The following IQSEC1 variants were observed in gnomAD, a reference collection of about 807,000 sequenced individuals.
The protein encoded by IQSEC1 is IQ motif and SEC7 domain-containing protein 1.
IQSEC1 carries 31 observed loss-of-function variants against 91.0 expected under a neutral mutation model. The observed-to-expected ratio is 0.34, with a 90% CI of 0.26 to 0.46. The LOEUF (loss-of-function observed/expected upper bound fraction) is 0.46. Among genes scored for constraint, IQSEC1 ranks in the 20% least tolerant of loss-of-function variants. The pLI, the probability that IQSEC1 is intolerant of heterozygous loss-of-function variation, is 1.00. For missense variants in IQSEC1, 1,388 were observed against 1,575.6 expected (o/e 0.88, Z 2.02); for synonymous variants, 699 against 662.6 (o/e 1.05, Z -0.84).
chr3:13,109,912 T>C (rs1373323981), intron 2 of IQSEC1, among the ~76,000 whole-genome samples: 10 of 133,852 alleles, frequency 7.5e-5, no homozygotes, highest in Non-Finnish European at 1.2e-4. Context: ...TGAGACGGAG[T>C]CTAGCTGTCG....
At position 12,922,344 on chromosome 3, in the gene IQSEC1, C is replaced by T. The variant is rs1424589163; in HGVS notation, c.1731-102G>A. 1.4e-5 allele frequency: 19 copies of T among 1,382,088 alleles called. No homozygotes were observed. The Middle Eastern group carries it at 1.8e-3, about 130-fold the overall frequency. 85.6% of individuals were successfully genotyped at this position (1,382,088 alleles called of 1,614,324 possible). A position where few individuals can be genotyped will look rare whatever the true frequency, so the allele number is the denominator to read the frequency against. The stretch of plus-strand genomic sequence containing the variant: ...GCCTGAAGCCCTGGGAATGGACCGC[C>T]TCCTGGCAGGGAGAGCCCCTGCCTG... On this transcript the variant is annotated intron_variant, in intron 4 of 13. Coordinates refer to ENST00000613206, the MANE Select transcript of IQSEC1 (RefSeq NM_001134382.3). This position sits in a 1 kb window ranked among gnomAD's most constrained non-coding sequence, Gnocchi z 5.1.
At chr3:13,098,900 C>G (rs1706010643) in intron 2 of IQSEC1, among the ~76,000 whole-genome samples, 1 of 152,202 alleles carries the variant, frequency 6.6e-6, no homozygotes, top group South Asian at 2.1e-4. Context: ...TGTGAATACA[C>G]TAACATCCAC....
rs145322088 is a variant in IQSEC1 at position 12,929,141 on chromosome 3, C to T, written c.1569-4399G>A. 7.0e-3 allele frequency among the ~76,000 whole-genome samples: 1,059 copies of T among 152,286 alleles called. 16 individuals are homozygous for T. The highest frequency in any genetic ancestry group is 0.025 in the African/African-American group (1,023 of 41,558). The stretch of plus-strand genomic sequence containing the variant: ...CGTCTCAGCTCCACTTCTGGCTGGG[C>T]GACCCAGGGTGAGTGAACTTAGCCT... On this transcript the variant is annotated intron_variant, in intron 3 of 13. Coordinates refer to ENST00000613206, the MANE Select transcript of IQSEC1 (RefSeq NM_001134382.3).
At chr3:12,988,369 T>G (rs1701837797) in intron 1 of IQSEC1, among the ~76,000 whole-genome samples, 1 of 152,070 alleles carries the variant, frequency 6.6e-6, no homozygotes, top group Non-Finnish European at 1.5e-5. Flanking sequence ...GAGCTGAGAT[T>G]GCGCCAATGC....
chr3:13,127,578 C>A (rs1381245300), intron 2 of IQSEC1, among the ~76,000 whole-genome samples: 1 of 151,286 alleles, frequency 6.6e-6, no homozygotes, highest in East Asian at 1.9e-4. Context: ...ATTTATTTTT[C>A]TTTTTTTTAA....
At position 13,267,517 on chromosome 3, in the gene IQSEC1, G is replaced by C. The variant is rs146724995; in HGVS notation, c.272+15194C>G. The stretch of plus-strand genomic sequence containing the variant: ...CCAGCCAAAGAGGACTGGATTTTTG[G>C]CATCTGATGAATGAAAATCTGGAAA... On this transcript the variant is annotated intron_variant, in intron 1 of 15. Transcript: ENST00000648114. Among the ~76,000 whole-genome samples the C allele has an allele frequency of 2.3e-4, 35 of 152,224 alleles. 1 individual carries two copies. The East Asian group carries it at 6.4e-3, about 28-fold the overall frequency.
At chr3:13,122,727 C>T (rs1576260265) in intron 2 of IQSEC1, among the ~76,000 whole-genome samples, 1 of 152,184 alleles carries the variant, frequency 6.6e-6, no homozygotes, top group East Asian at 1.9e-4. Flanking sequence ...GCCAAGGACC[C>T]TGAACCTCAG....
intron 2 of IQSEC1, among the ~76,000 whole-genome samples, chr3:13,137,318 G>C (rs529624094): frequency 6.6e-6 from 1 of 152,252 alleles, no homozygotes; most frequent in African/African-American, 2.4e-5. Context: ...AAAATAAACT[G>C]TAGAATATTG....
chr3:12,990,628 C>T (rs146413326), intron 1 of IQSEC1, among the ~76,000 whole-genome samples: 5 of 152,306 alleles, frequency 3.3e-5, no homozygotes, highest in Admixed American at 6.5e-5. Context: ...CTGGACTCCG[C>T]GCACTTGAGT....
At chr3:13,237,325 T>A (rs899323026) in intron 1 of IQSEC1, among the ~76,000 whole-genome samples, 2 of 152,138 alleles carry the variant, frequency 1.3e-5, no homozygotes, top group Non-Finnish European at 2.9e-5. Flanking sequence ...GGCCCCATCA[T>A]CCTCCGAGGC....
At chr3:13,075,332 C>T (rs1010278900), upstream of IQSEC1, among the ~76,000 whole-genome samples, 11 of 152,234 alleles carry the variant, frequency 7.2e-5, no homozygotes, top group African/African-American at 2.4e-4. Flanking sequence ...GCACCACATA[C>T]GGGGGTCTCC....
chr3:13,210,888 G>T (rs1007504603), intron 1 of IQSEC1, among the ~76,000 whole-genome samples: 3 of 152,204 alleles, frequency 2.0e-5, no homozygotes, highest in Non-Finnish European at 4.4e-5. Flanking sequence ...GGACTGAAAG[G>T]AACATGGCCA....
chr3:13,223,066 C>T (rs556536632), intron 1 of IQSEC1, among the ~76,000 whole-genome samples: 4 of 152,334 alleles, frequency 2.6e-5, no homozygotes, highest in African/African-American at 7.2e-5. Flanking sequence ...GCTCTGCCAT[C>T]GAGGTTTGGG....
At position 12,992,016 on chromosome 3, in the gene IQSEC1, A is replaced by T. The variant is rs1435055714; in HGVS notation, c.24-50151T>A. On this transcript the variant is annotated intron_variant, in intron 1 of 13. Coordinates refer to ENST00000613206, the MANE Select transcript of IQSEC1 (RefSeq NM_001134382.3). This position sits in a 1 kb window ranked among gnomAD's most constrained non-coding sequence, Gnocchi z 4.1. The stretch of plus-strand genomic sequence containing the variant: ...CTAATGTTTGCAAACCGTGCAGGAG[A>T]CAGTCCCCTGCAGAGGTGAGCACAG... Among the ~76,000 whole-genome samples, 1 of 152,060 alleles carries T rather than the reference A, an allele frequency of 6.6e-6. No individual in the cohort carries two copies. Among genetic ancestry groups the T allele is most frequent in the Non-Finnish European group, 1.5e-5 (1 of 68,008 alleles).
At chr3:12,944,454 A>G (rs1048468797) in intron 1 of IQSEC1, among the ~76,000 whole-genome samples, 1 of 152,050 alleles carries the variant, frequency 6.6e-6, no homozygotes, top group African/African-American at 2.4e-5. Context: ...CCCATCCCAC[A>G]CTGTCTGACC....
intron 1 of IQSEC1, among the ~76,000 whole-genome samples, chr3:13,167,241 C>G (rs1464101776): frequency 6.6e-6 from 1 of 152,168 alleles, no homozygotes; most frequent in East Asian, 1.9e-4. Flanking sequence ...CTGAGGCAGA[C>G]CTGGAGATAA....
intron 1 of IQSEC1, among the ~76,000 whole-genome samples, chr3:13,180,268 T>C (rs1405134386): frequency 6.6e-6 from 1 of 152,216 alleles, no homozygotes; most frequent in Non-Finnish European, 1.5e-5. Context: ...TCAAGGTTTG[T>C]AAACACACCA....
intron 2 of IQSEC1, among the ~76,000 whole-genome samples, chr3:13,110,829 G>A (rs1173219188): frequency 1.3e-5 from 2 of 152,192 alleles, no homozygotes; most frequent in Non-Finnish European, 2.9e-5. Context: ...TACACTGGGT[G>A]AGTCGGGACA....
intron 1 of IQSEC1, among the ~76,000 whole-genome samples, chr3:12,973,331 C>T (rs1394187428): frequency 1.3e-5 from 2 of 152,194 alleles, no homozygotes; most frequent in Non-Finnish European, 2.9e-5. Flanking sequence ...GTTGTTGCTT[C>T]ATTTGATTGG....
Sources: gnomAD v4.1 joint callset for allele counts (sites outside exome capture counted in the v4.1 genomes callset) on GRCh38, gnomAD v4.1.1 for gene constraint, Gnocchi (gnomAD v3.1) non-coding constraint, MANE v1.5 for transcripts, NCBI Gene and HGNC (gene_info 2026-07-23, HGNC 2026-07-21) for gene names.